The following MBD5 variants were observed in gnomAD, a reference collection of about 807,000 sequenced individuals.
MBD5 encodes the protein methyl-CpG-binding domain protein 5.
In MBD5, 13 loss-of-function variants were observed where a neutral mutation model predicts 117.3. The observed-to-expected ratio is 0.11, with a 90% CI of 0.07 to 0.18. The LOEUF (loss-of-function observed/expected upper bound fraction) is 0.18, where lower values mean the gene tolerates loss of function less well. Ranked by LOEUF, MBD5 falls within the 10% of genes least tolerant of loss-of-function variation. The pLI is 1.00. For synonymous variants in MBD5, 727 were observed against 766.4 expected (o/e 0.95, Z 0.85); for missense variants, 1,879 against 2,093.8 (o/e 0.90, Z 2.00).
intron 11 of MBD5, among the ~76,000 whole-genome samples, chr2:148,495,452 C>G (rs1458999564): frequency 1.3e-5 from 2 of 152,074 alleles, no homozygotes; most frequent in Non-Finnish European, 2.9e-5. Flanking sequence ...ATCATTTTTA[C>G]TTTTTGAGCA....
At chr2:148,272,915 A>G (rs1441915279) in intron 3 of MBD5, among the ~76,000 whole-genome samples, 1 of 152,162 alleles carries the variant, frequency 6.6e-6, no homozygotes, top group African/African-American at 2.4e-5. Context: ...CTAAGGTGCA[A>G]GTATTATAAG....
chr2:148,442,576 A>G (rs1403239961), intron 4 of MBD5, among the ~76,000 whole-genome samples: 1 of 151,400 alleles, frequency 6.6e-6, no homozygotes, highest in Non-Finnish European at 1.5e-5. Context: ...CCAGAGAAAG[A>G]AAGATAAGGT....
chr2:148,111,752 G>T (rs1209769597), intron 1 of MBD5, among the ~76,000 whole-genome samples: 1 of 152,022 alleles, frequency 6.6e-6, no homozygotes, highest in Non-Finnish European at 1.5e-5. Context: ...GATACACAGA[G>T]GTCCCACTTT....
At chr2:148,276,480 T>C (rs934633632) in intron 3 of MBD5, among the ~76,000 whole-genome samples, 6 of 152,232 alleles carry the variant, frequency 3.9e-5, no homozygotes, top group African/African-American at 1.4e-4. Flanking sequence ...CTTATTTTGC[T>C]AAACCATTTA....
intron 10 of MBD5, among the ~76,000 whole-genome samples, chr2:148,486,894 G>A (rs1395603080): frequency 6.6e-6 from 1 of 152,184 alleles, no homozygotes; most frequent in Non-Finnish European, 1.5e-5. Context: ...TAGCATATCA[G>A]ATTTTTTAAA....
chr2:148,368,596 C>T (rs1183920640), intron 4 of MBD5, among the ~76,000 whole-genome samples: 1 of 152,098 alleles, frequency 6.6e-6, no homozygotes, highest in Non-Finnish European at 1.5e-5. Flanking sequence ...CCAACTGAAG[C>T]AGTACTAAGG....
At chr2:148,129,407 A>T (rs979334535) in intron 1 of MBD5, among the ~76,000 whole-genome samples, 2 of 152,110 alleles carry the variant, frequency 1.3e-5, no homozygotes, top group African/African-American at 4.8e-5. Context: ...AGGCAGGAGT[A>T]ATCACTTGAA....
chr2:148,439,735 CTCTT>C (rs1184471958), intron 4 of MBD5, among the ~76,000 whole-genome samples: 2 of 142,970 alleles, frequency 1.4e-5, no homozygotes, highest in Non-Finnish European at 3.0e-5. Flanking sequence ...TTCATTCTCT[CTCTT>C]TTTTTTTTTT....
At position 148,184,774 on chromosome 2, in the gene MBD5, AGTATCCAGTCTG is replaced by A. The variant is rs1459960187; in HGVS notation, c.-831+5983_-831+5994del. On this transcript the variant is annotated intron_variant, in intron 2 of 13. Transcript: ENST00000642680. ...ATGACATCACATGTGGGAAGAGACT[AGTATCCAGTCTG>A]GCATTTTCAGTGAGCTCAAAGGATG... 5.3e-5 allele frequency among the ~76,000 whole-genome samples: 8 copies of A among 152,312 alleles called. No individual in the cohort carries two copies. In the East Asian group the frequency reaches 1.5e-3, roughly 29 times the overall value.
intron 1 of MBD5, among the ~76,000 whole-genome samples, chr2:148,085,761 A>G (rs1695765906): frequency 6.6e-6 from 1 of 152,338 alleles, no homozygotes; most frequent in East Asian, 1.9e-4. Context: ...GAAAGCCCCA[A>G]ATTTCTCTTT....
intron 3 of MBD5, among the ~76,000 whole-genome samples, chr2:148,245,526 T>G (rs994321865): frequency 3.9e-5 from 6 of 152,256 alleles, no homozygotes; most frequent in African/African-American, 1.4e-4. Context: ...GAGCCCTGGA[T>G]GCTGAGGCTG....
intron 4 of MBD5, among the ~76,000 whole-genome samples, chr2:148,438,886 T>A (rs1050774032): frequency 3.3e-5 from 5 of 152,172 alleles, no homozygotes; most frequent in African/African-American, 1.2e-4. Context: ...TGAGAGAAGA[T>A]CTTTCCCACC....
intron 4 of MBD5, among the ~76,000 whole-genome samples, chr2:148,374,825 G>A (rs532707067): frequency 3.3e-5 from 5 of 152,076 alleles, no homozygotes; most frequent in Admixed American, 6.5e-5. Context: ...CCACACATGC[G>A]TATGACTATT....
Position 148,154,994 on chromosome 2 carries a change from G to C in MBD5, c.-924-23706G>C, listed in dbSNP as rs142137521. Among the ~76,000 whole-genome samples, 248 of 152,230 alleles carry C rather than the reference G, an allele frequency of 1.6e-3. 1 individual carries two copies. The highest frequency in any genetic ancestry group is 5.5e-3 in the African/African-American group (227 of 41,540). On this transcript the variant is annotated intron_variant, in intron 1 of 13. Coordinates refer to ENST00000642680, the MANE Select transcript of MBD5 (RefSeq NM_001378120.1). ...TATTGAGTTCTTATGAGGTTCTATA[G>C]GCCCTGAAGGTGCAATAGTGATATA...
chr2:148,265,362 T>C (rs1332714182), intron 3 of MBD5, among the ~76,000 whole-genome samples: 1 of 152,180 alleles, frequency 6.6e-6, no homozygotes, highest in Non-Finnish European at 1.5e-5. Context: ...AGGATGATAG[T>C]ACATATTATA....
At chr2:148,173,294 G>A (rs576969887) in intron 1 of MBD5, among the ~76,000 whole-genome samples, 19 of 152,298 alleles carry the variant, frequency 1.2e-4, no homozygotes, top group South Asian at 6.2e-4. Context: ...AGGTGTCTCC[G>A]GTGGAAATTG....
chr2:148,398,593 T>G (rs1283938638), intron 4 of MBD5, among the ~76,000 whole-genome samples: 1 of 152,188 alleles, frequency 6.6e-6, no homozygotes, highest in Non-Finnish European at 1.5e-5. Flanking sequence ...TTTCTCCCAT[T>G]CTGTAGGTTG....
At chr2:148,287,124 C>T (rs1462680550) in intron 3 of MBD5, among the ~76,000 whole-genome samples, 1 of 152,114 alleles carries the variant, frequency 6.6e-6, no homozygotes, top group Admixed American at 6.5e-5. Flanking sequence ...ATTCTCCTTT[C>T]AAACACCCAT....
chr2:148,349,481 C>A (rs1703200680), intron 4 of MBD5, among the ~76,000 whole-genome samples: 1 of 151,862 alleles, frequency 6.6e-6, no homozygotes, highest in South Asian at 2.1e-4. Context: ...GTTAAATTCC[C>A]CCCTTTACTA....
Sources: allele counts gnomAD v4.1 joint callset (sites outside exome capture counted in the v4.1 genomes callset), GRCh38; gene constraint gnomAD v4.1.1; transcripts MANE v1.5; gene names NCBI Gene and HGNC (gene_info 2026-07-23, HGNC 2026-07-21).